The following KAT6A variants were observed in gnomAD, a reference collection of about 807,000 sequenced individuals.
KAT6A encodes histone acetyltransferase KAT6A.
Under a neutral mutation model 198.4 loss-of-function variants are expected in KAT6A, and 9 were observed. That is an observed-to-expected ratio of 0.05 (90% CI 0.03 to 0.08). The LOEUF is 0.08. KAT6A is among the 10% of genes least tolerant of loss of function. KAT6A has a pLI of 1.00. For synonymous variants in KAT6A, 890 were observed against 883.0 expected (o/e 1.01, Z -0.14); for missense variants, 2,077 against 2,509.9 (o/e 0.83, Z 3.69).
At chr8:41,985,557 G>A (rs1056976471) in intron 3 of KAT6A, among the ~76,000 whole-genome samples, 1 of 152,108 alleles carries the variant, frequency 6.6e-6, no homozygotes, top group African/African-American at 2.4e-5. Context: ...TAGGTATCTA[G>A]AGCTATTGTA....
chr8:41,936,062 G>C (rs1821837464), intron 16 of KAT6A, among the ~76,000 whole-genome samples: 1 of 152,094 alleles, frequency 6.6e-6, no homozygotes, highest in Non-Finnish European at 1.5e-5. Context: ...AGGAGTTTGA[G>C]ACCAGCCTGG....
intron 3 of KAT6A, among the ~76,000 whole-genome samples, chr8:41,986,858 T>C (rs1824635016): frequency 6.6e-6 from 1 of 152,050 alleles, no homozygotes; most frequent in South Asian, 2.1e-4. Flanking sequence ...GCCAATATGG[T>C]GAAACCTTGT....
intron 13 of KAT6A, 119 bp downstream of exon 13, chr8:41,943,626 CATT>C (rs1822249217): frequency 1.5e-6 from 1 of 652,392 alleles, no homozygotes. Flanking sequence ...AATGATATCT[CATT>C]ATCACCAAGT....
At chr8:42,001,000 G>GGGAGGGAGAGGAA (rs1233857085) in intron 2 of KAT6A, among the ~76,000 whole-genome samples, 1 of 152,156 alleles carries the variant, frequency 6.6e-6, no homozygotes. Flanking sequence ...TAAAACGTGA[G>GGGAGGGAGAGGAA]GGAGGGAGAG....
chr8:41,967,706 T>C (rs1349060068), intron 8 of KAT6A, among the ~76,000 whole-genome samples: 3 of 152,116 alleles, frequency 2.0e-5, no homozygotes, highest in Admixed American at 2.0e-4. Context: ...TTGTTGGACA[T>C]TTGGGTTGGT....
chr8:41,973,201 C>T (rs918398865), intron 8 of KAT6A, among the ~76,000 whole-genome samples: 2 of 152,146 alleles, frequency 1.3e-5, no homozygotes. Flanking sequence ...AAGAGTTTTC[C>T]CTAGAACCCT....
chr8:41,986,339 T>C (rs1306114549), intron 3 of KAT6A, among the ~76,000 whole-genome samples: 1 of 152,198 alleles, frequency 6.6e-6, no homozygotes, highest in African/African-American at 2.4e-5. Flanking sequence ...TTCACATTGC[T>C]CGCTAGACTG....
At position 42,030,571 on chromosome 8, in the gene KAT6A, TA is replaced by T. The variant is rs1203609831; in HGVS notation, c.600+17806del. Among the ~76,000 whole-genome samples the T allele has an allele frequency of 2.0e-4, 31 of 152,078 alleles. 1 individual carries two copies. Among genetic ancestry groups the T allele is most frequent in the East Asian group, 1.2e-3 (6 of 5,176 alleles). On this transcript the variant is annotated intron_variant, in intron 2 of 16. Coordinates refer to ENST00000265713, the MANE Select transcript of KAT6A (RefSeq NM_006766.5). Reference sequence around the variant, plus strand: ...TTAAAATTTTATTTTATTTTATTATTATTTTTTTTTTGAGACACAGTTTTGT... The same window carrying T: ...TTAAAATTTTATTTTATTTTATTATTTTTTTTTTTTGAGACACAGTTTTGT...
chr8:41,934,322 C>CCTCTGG lies in KAT6A; in HGVS notation c.3892_3897dup (p.Pro1298_Glu1299dup). 1 of 1,614,120 alleles carries CCTCTGG rather than the reference C, an allele frequency of 6.2e-7. No individual in the cohort carries two copies. The highest frequency in any genetic ancestry group is 1.1e-5 in the South Asian group (1 of 91,076). On this transcript the variant is annotated inframe_insertion, in exon 17 of 17. Transcript: ENST00000265713. ...GTCTCTGCAGCTGCATCTTCCTCCTCCTCTGGCTCTGGCTCCTCTAATTCC... is the reference window on the plus strand; with the variant it reads ...GTCTCTGCAGCTGCATCTTCCTCCTCCTCTGGCTCTGGCTCTGGCTCCTCTAATTCC...
chr8:41,946,996 G>A (rs888816995), intron 11 of KAT6A, among the ~76,000 whole-genome samples: 1 of 152,178 alleles, frequency 6.6e-6, no homozygotes, highest in Admixed American at 6.5e-5. Context: ...CAAACAATCC[G>A]TAAAGCTACA....
chr8:41,950,319 G>A (rs759269061), intron 9 of KAT6A, among the ~76,000 whole-genome samples: 1 of 152,142 alleles, frequency 6.6e-6, no homozygotes, highest in African/African-American at 2.4e-5. Flanking sequence ...CATCTAATAT[G>A]AGCACTAAAT....
chr8:41,988,811 T>C (rs142115612), intron 2 of KAT6A, among the ~76,000 whole-genome samples: 372 of 152,318 alleles, frequency 2.4e-3, no homozygotes, highest in African/African-American at 8.5e-3. Context: ...GTGAGTTCCA[T>C]TTTAAATGTG....
intron 2 of KAT6A, among the ~76,000 whole-genome samples, chr8:42,008,109 C>T (rs1366435505): frequency 6.6e-6 from 1 of 150,854 alleles, no homozygotes; most frequent in African/African-American, 2.4e-5. Flanking sequence ...CTACATAAAA[C>T]AAACATTTGC....
rs1346670679 is a variant in KAT6A at position 41,931,901 on chromosome 8, A to G, written c.*304T>C. On this transcript the variant is annotated 3_prime_UTR_variant, in exon 17 of 17. Coordinates refer to ENST00000265713, the MANE Select transcript of KAT6A (RefSeq NM_006766.5). ...CAAATTCTGTCCATGTGGTATGTAAAGAAAGTAAGGCTCTTTTTAATTATG... is the reference window on the plus strand; with the variant it reads ...CAAATTCTGTCCATGTGGTATGTAAGGAAAGTAAGGCTCTTTTTAATTATG... 3.8e-6 allele frequency: 1 copy of G among 264,942 alleles called. No individual in the cohort carries two copies. The highest frequency in any genetic ancestry group is 7.1e-6 in the Non-Finnish European group (1 of 141,252). The allele number at this position is 264,942 out of a possible 1,614,324, so 16.4% of individuals were successfully genotyped here.
intron 2 of KAT6A, among the ~76,000 whole-genome samples, chr8:42,044,958 T>C (rs1827840354): frequency 6.6e-6 from 1 of 152,208 alleles, no homozygotes; most frequent in African/African-American, 2.4e-5. Context: ...GACTGCGTAG[T>C]TCGAAGGAGA....
chr8:41,933,826 T>C lies in KAT6A; in HGVS notation c.4394A>G (p.Asp1465Gly), dbSNP rs201853658. The C allele has an allele frequency of 3.2e-5, 51 of 1,614,016 alleles. No homozygotes were observed. The East Asian group carries it at 1.0e-3, about 33-fold the overall frequency. ...GTCTTCAACCATGGACATCTGAGGG[T>C]CCTCGTCAGCCTGGGTGTAACTCTG... is the stretch of plus-strand genomic sequence containing the variant. ...TLQSYTQADE[D>G]PQMSMVEDCH... The change falls in exon 17 of 17, where the codon GAC becomes GGC. Residue 1465 changes from aspartate to glycine, a missense_variant. Asp to Gly is a moderately conservative substitution (Grantham distance 94, BLOSUM62 -1). Around this residue, in one of 13 missense-constraint regions of KAT6A, gnomAD observed 178 missense variants for 220.8 expected, o/e 0.81. Coordinates refer to ENST00000265713, the MANE Select transcript of KAT6A (RefSeq NM_006766.5). This position sits in a 1 kb window ranked among gnomAD's most constrained non-coding sequence, Gnocchi z 6.2.
chr8:41,940,560 AG>A (rs1486589479), intron 15 of KAT6A, among the ~76,000 whole-genome samples: 1 of 152,198 alleles, frequency 6.6e-6, no homozygotes, highest in African/African-American at 2.4e-5. Context: ...ACATCAAACC[AG>A]TAAGCTAAAA....
chr8:42,050,167 C>G (rs972415700), intron 1 of KAT6A, among the ~76,000 whole-genome samples: 1 of 152,168 alleles, frequency 6.6e-6, no homozygotes, highest in African/African-American at 2.4e-5. Flanking sequence ...ACACTGGCTA[C>G]TTGTAGGACT....
intron 12 of KAT6A, among the ~76,000 whole-genome samples, chr8:41,945,987 G>A (rs944165177): frequency 4.0e-5 from 6 of 149,512 alleles, no homozygotes; most frequent in African/African-American, 1.2e-4. Flanking sequence ...CCGAGATCAC[G>A]CCACTGCACT....
Sources: allele counts gnomAD v4.1 joint callset (sites outside exome capture counted in the v4.1 genomes callset), GRCh38; gene constraint gnomAD v4.1.1; regional missense constraint gnomAD v4.1.1; non-coding constraint Gnocchi (gnomAD v3.1); transcripts MANE v1.5; gene names NCBI Gene and HGNC (gene_info 2026-07-23, HGNC 2026-07-21).